Variants in DRP2 observed in about 807,000 individuals in gnomAD.
The protein encoded by DRP2 is dystrophin related protein 2.
A neutral mutation model predicts 78.2 loss-of-function variants in DRP2; 29 were observed. The ratio of observed to expected loss-of-function variants is 0.37; its 90% CI spans 0.28 to 0.51. DRP2 has a LOEUF of 0.51. DRP2 is among the 20% of genes least tolerant of loss of function. DRP2 has a pLI of 0.94. For missense variants in DRP2, 686 were observed against 770.6 expected, an observed-to-expected ratio of 0.89 and a Z score of 1.30; for synonymous variants, 290 against 281.9, an observed-to-expected ratio of 1.03 and a Z score of -0.29.
Position 101,245,030 on chromosome X carries a change from T to C in DRP2, c.1068T>C (p.Val356=). The change falls in exon 10 of 24, where the codon GTT becomes GTC. Residue 356 remains valine (V), a synonymous_variant. Coordinates refer to ENST00000395209, the MANE Select transcript of DRP2 (RefSeq NM_001939.3). ...SQHFLSSSVQ[V]PWERAISPNK... ...CTCCTTTACCAGCCTCTGTCCAGGT[T>C]CCCTGGGAAAGAGCAATTTCACCCA... 8.3e-7 allele frequency: 1 copy of C among 1,209,587 alleles called. No homozygotes were observed. The highest frequency in any genetic ancestry group is 1.1e-6 in the Non-Finnish European group (1 of 894,294).
chrX:101,239,731 C>T (rs756650724), intron 6 of DRP2, among the ~76,000 whole-genome samples: 93 of 111,867 alleles, frequency 8.3e-4, no homozygotes, highest in African/African-American at 3.0e-3. Flanking sequence ...GCACCTGCCA[C>T]CACGCCTGGC....
chrX:101,255,984 A>G (rs1407790182), intron 20 of DRP2, 134 bp from the exon 21 acceptor site: 4 of 825,691 alleles, frequency 4.8e-6, no homozygotes, highest in Non-Finnish European at 6.5e-6. Context: ...AAGCCTCAGT[A>G]TATGTCCTTT....
intron 14 of DRP2, among the ~76,000 whole-genome samples, chrX:101,249,847 T>C: frequency 8.9e-6 from 1 of 112,174 alleles, no homozygotes. Flanking sequence ...ATAAGTATCA[T>C]AGTAGATTCC....
At chrX:101,227,742 A>G (rs1372064498) in intron 2 of DRP2, among the ~76,000 whole-genome samples, 3 of 112,347 alleles carry the variant, frequency 2.7e-5, no homozygotes, top group Non-Finnish European at 5.6e-5. Context: ...AGAGCAGAGG[A>G]TAGTCATTTT....
In DRP2 at chrX:101,241,686, G is replaced by A. The variant is rs767301512; in HGVS notation, c.578G>A (p.Arg193Gln). ...SESKDTSPKQ[R>Q]IQNLSRFVWK... ...CTTGCAGATACCTCCCCGAAACAGC[G>A]GATCCAGAATCTCAGCCGCTTTGTA... The change falls in exon 7 of 24, where the codon CGG (arginine) becomes CAG (glutamine). Residue 193 changes from arginine (R) to glutamine (Q), a missense_variant. Physicochemically the swap from Arg to Gln is conservative, Grantham distance 43 (BLOSUM62 1). Coordinates refer to ENST00000395209, the MANE Select transcript of DRP2 (RefSeq NM_001939.3). 4.1e-5 allele frequency: 49 copies of A among 1,209,468 alleles called. No homozygotes were observed. The highest frequency in any genetic ancestry group is 8.9e-5 in the East Asian group (3 of 33,782).
intron 1 of DRP2, among the ~76,000 whole-genome samples, chrX:101,224,181 GGT>G (rs1184337702): frequency 1.9e-4 from 9 of 47,658 alleles, no homozygotes; most frequent in African/African-American, 9.8e-4. Context: ...ATGTTTGCTG[GGT>G]TTTTTTTGTT....
rs766018040 is a variant in DRP2, at chrX:101,259,036, T to TA, written c.2628+493dup. Among the ~76,000 whole-genome samples, 480 of 111,833 alleles carry TA rather than the reference T, an allele frequency of 4.3e-3. 1 individual carries two copies. The highest frequency in any genetic ancestry group is 0.014 in the African/African-American group (443 of 30,742). On this transcript the variant is annotated intron_variant, in intron 22 of 23. Transcript: ENST00000395209. ...CTGAGAGGCAATGTGTATGCTGTGGTAAAGCTCTGGAGTCAGGCAGCTCTG... is the reference window on the plus strand; with the variant it reads ...CTGAGAGGCAATGTGTATGCTGTGGTAAAAGCTCTGGAGTCAGGCAGCTCTG...
At chrX:101,239,944 G>A (rs1417436182) in intron 6 of DRP2, among the ~76,000 whole-genome samples, 1 of 110,964 alleles carries the variant, frequency 9.0e-6, no homozygotes, top group Non-Finnish European at 1.9e-5. Flanking sequence ...TTGAGAGGCT[G>A]AAATGGGAGG....
chrX:101,263,487 C>T lies in DRP2; in HGVS notation c.*2866C>T, dbSNP rs957114893. The T allele has an allele frequency of 8.9e-6, 1 of 111,924 alleles. No individual in the cohort carries two copies. The highest frequency in any genetic ancestry group is 3.2e-5 in the African/African-American group (1 of 30,776). 9.2% of individuals were successfully genotyped at this position (111,924 alleles called of 1,213,427 possible). On this transcript the variant is annotated 3_prime_UTR_variant, in exon 24 of 24. Transcript: ENST00000395209. ...AACAGTTAGGACTGAGAGGTGATTT[C>T]TTCTTGACAGAATTTGATAGAGGCC...
At chrX:101,254,688 G>A (rs1923271871) in intron 18 of DRP2, 127 bp downstream of exon 18, 12 of 1,073,207 alleles carry the variant, frequency 1.1e-5, no homozygotes, top group East Asian at 6.1e-5. Context: ...TGATAGGGCC[G>A]TTCAGCTTGG....
chrX:101,245,032 C>T lies in DRP2; in HGVS notation c.1070C>T (p.Pro357Leu). 1 of 1,209,636 alleles carries T rather than the reference C, an allele frequency of 8.3e-7. No homozygotes were observed. Among genetic ancestry groups the T allele is most frequent in the Non-Finnish European group, 1.1e-6 (1 of 894,393 alleles). ...CCTTTACCAGCCTCTGTCCAGGTTCCCTGGGAAAGAGCAATTTCACCCAAT... is the reference window on the plus strand; with the variant it reads ...CCTTTACCAGCCTCTGTCCAGGTTCTCTGGGAAAGAGCAATTTCACCCAAT... The part of the protein sequence containing the change: ...QHFLSSSVQV[P>L]WERAISPNKV... Residue 357 changes from proline to leucine, a missense_variant, in exon 10 of 24, where the codon CCC (proline) becomes CTC (leucine). Physicochemically the swap from Pro to Leu is moderately conservative, Grantham distance 98 (BLOSUM62 -3). Around this residue, in one of 2 missense-constraint regions of DRP2, gnomAD observed 423 missense variants for 531.5 expected, o/e 0.80. Transcript: ENST00000395209.
At chrX:101,239,216 G>C (rs1922625595) in intron 6 of DRP2, 115 bp downstream of exon 6, 2 of 976,175 alleles carry the variant, frequency 2.0e-6, no homozygotes, top group Admixed American at 3.1e-5. Context: ...TAGGAGGATA[G>C]TTTCCCCCAG....
At chrX:101,237,837 C>T in intron 5 of DRP2, 62 bp downstream of exon 5, 4 of 1,020,520 alleles carry the variant, frequency 3.9e-6, no homozygotes, top group Middle Eastern at 4.2e-4. Flanking sequence ...ATCCCTTCTT[C>T]AGTACCCTGA....
At chrX:101,233,249 CG>C (rs1185266127) in intron 3 of DRP2, among the ~76,000 whole-genome samples, 2 of 111,951 alleles carry the variant, frequency 1.8e-5, no homozygotes, top group Non-Finnish European at 3.8e-5. Context: ...CCCAGCTCAT[CG>C]TGGGTGCTCC....
At chrX:101,255,098 A>C (rs923582699) in intron 19 of DRP2, 86 bp from the exon 20 acceptor site, 1 of 1,095,690 alleles carries the variant, frequency 9.1e-7, no homozygotes, top group African/African-American at 1.8e-5. Flanking sequence ...CTCAAAGCCA[A>C]TGATCCTGCT....
At chrX:101,249,614 G>A (rs1427215622) in intron 14 of DRP2, among the ~76,000 whole-genome samples, 14 of 111,053 alleles carry the variant, frequency 1.3e-4, no homozygotes, top group Non-Finnish European at 2.3e-4. Flanking sequence ...GTAAGGAAAT[G>A]GCAGCATAGA....
intron 17 of DRP2, 142 bp downstream of exon 17, chrX:101,252,858 G>A: frequency 2.2e-6 from 1 of 447,262 alleles, no homozygotes; most frequent in Non-Finnish European, 3.7e-6. Context: ...TCACTGGTTT[G>A]GGAAATTCAG....
intron 1 of DRP2, 99 bp downstream of exon 1, chrX:101,220,245 G>A (rs1365204785): frequency 2.8e-5 from 3 of 107,527 alleles, no homozygotes; most frequent in Non-Finnish European, 5.8e-5. Context: ...TGTGTGGCGG[G>A]CGAGGGGTGG....
chrX:101,247,767 CAG>C (rs1322522106), intron 12 of DRP2, among the ~76,000 whole-genome samples: 1 of 112,443 alleles, frequency 8.9e-6, no homozygotes, highest in Non-Finnish European at 1.9e-5. Flanking sequence ...CATGCAAAGA[CAG>C]AAACTTAAAA....
Sources: gnomAD v4.1 joint callset for allele counts (sites outside exome capture counted in the v4.1 genomes callset) on GRCh38, gnomAD v4.1.1 for gene constraint, gnomAD v4.1.1 regional missense constraint, MANE v1.5 for transcripts, NCBI Gene and HGNC (gene_info 2026-07-23, HGNC 2026-07-21) for gene names.